The following PDE4B variants were observed in gnomAD, a reference collection of about 807,000 sequenced individuals.
PDE4B encodes phosphodiesterase 4B.
PDE4B carries 20 observed loss-of-function variants against 82.2 expected under a neutral mutation model. The ratio of observed to expected loss-of-function variants is 0.24; its 90% CI spans 0.17 to 0.35. PDE4B has a LOEUF of 0.35. PDE4B is among the 10% of genes least tolerant of loss of function. The pLI is 1.00. For synonymous variants in PDE4B, 320 were observed against 318.9 expected (o/e 1.00, Z -0.04); for missense variants, 655 against 907.2 (o/e 0.72, Z 3.57).
In PDE4B at chr1:66,185,738, C is replaced by G. The variant is rs149709270; in HGVS notation, c.282-61722C>G. On this transcript the variant is annotated intron_variant, in intron 3 of 16. Transcript: ENST00000341517. ...TCATTGTAGACTCTGGATATTAGCC[C>G]TTTGTCAGATGAGTAGATTGCAAAA... 8.3e-3 allele frequency among the ~76,000 whole-genome samples: 1,270 copies of G among 152,182 alleles called. 10 individuals carry two copies. The highest frequency in any genetic ancestry group is 0.029 in the African/African-American group (1,210 of 41,506).
chr1:66,369,745 C>T (rs1663535200), intron 16 of PDE4B, among the ~76,000 whole-genome samples: 1 of 152,168 alleles, frequency 6.6e-6, no homozygotes, highest in Non-Finnish European at 1.5e-5. Flanking sequence ...TCCTCTTTCC[C>T]TACTACCTGG....
intron 3 of PDE4B, among the ~76,000 whole-genome samples, chr1:66,063,733 G>C (rs1416821189): frequency 6.6e-6 from 1 of 151,608 alleles, no homozygotes; most frequent in African/African-American, 2.4e-5. Flanking sequence ...ATTAACATTG[G>C]GTAAAATAGT....
chr1:65,890,364 T>G (rs189857628), intron 1 of PDE4B, among the ~76,000 whole-genome samples: 17 of 152,172 alleles, frequency 1.1e-4, no homozygotes, highest in Admixed American at 1.1e-3. Flanking sequence ...TCTAAACTGT[T>G]CTTTCCCCTA....
At chr1:66,107,853 A>G (rs1393198169) in intron 3 of PDE4B, among the ~76,000 whole-genome samples, 1 of 152,020 alleles carries the variant, frequency 6.6e-6, no homozygotes, top group Non-Finnish European at 1.5e-5. Flanking sequence ...AGCCTTATTG[A>G]TGCCAAGTAT....
At chr1:66,218,538 T>A (rs1043963799) in intron 3 of PDE4B, among the ~76,000 whole-genome samples, 8 of 152,146 alleles carry the variant, frequency 5.3e-5, no homozygotes, top group African/African-American at 1.9e-4. Flanking sequence ...TGATCTCATT[T>A]CATTCTGTTT....
chr1:66,088,964 G>C (rs991816720), intron 3 of PDE4B, among the ~76,000 whole-genome samples: 7 of 152,076 alleles, frequency 4.6e-5, no homozygotes, highest in Non-Finnish European at 1.0e-4. Flanking sequence ...GTATTGAGCA[G>C]AGTTCTCCAT....
intron 15 of PDE4B, 60 bp from the exon 16 acceptor site, chr1:66,368,727 A>G: frequency 7.6e-7 from 1 of 1,317,014 alleles, no homozygotes; most frequent in Non-Finnish European, 1.0e-6. Flanking sequence ...GAGAGGCATG[A>G]GATGTTCCGG....
chr1:66,296,748 T>C (rs1360500928), intron 7 of PDE4B, among the ~76,000 whole-genome samples: 1 of 152,214 alleles, frequency 6.6e-6, no homozygotes, highest in Admixed American at 6.5e-5. Context: ...GAATATTTTG[T>C]ACATAATAGA....
chr1:66,048,362 T>A (rs912158888), intron 3 of PDE4B, among the ~76,000 whole-genome samples: 10 of 152,002 alleles, frequency 6.6e-5, no homozygotes, highest in African/African-American at 2.2e-4. Flanking sequence ...TAATCTTTTC[T>A]TGCAGTCAAT....
In PDE4B at chr1:65,817,329, G is replaced by A. The variant is rs78807048; in HGVS notation, c.-71+24081G>A. On this transcript the variant is annotated intron_variant, in intron 1 of 16. Transcript: ENST00000341517. ...AACCCAAGTGTAGCTTTCATTGGTG[G>A]CAGGGTAATGGAAGAGCTTTAAATT... Among the ~76,000 whole-genome samples, 497 of 152,264 alleles carry A rather than the reference G, an allele frequency of 3.3e-3. 4 individuals are homozygous for A. The highest frequency in any genetic ancestry group is 0.011 in the African/African-American group (462 of 41,534).
chr1:66,263,345 T>A (rs772017911), intron 6 of PDE4B, among the ~76,000 whole-genome samples: 10 of 152,170 alleles, frequency 6.6e-5, no homozygotes, highest in Non-Finnish European at 1.3e-4. Flanking sequence ...AGTATCCAAC[T>A]GAGCAAAATG....
intron 3 of PDE4B, among the ~76,000 whole-genome samples, chr1:65,926,509 G>T (rs1180104194): frequency 6.6e-6 from 1 of 152,076 alleles, no homozygotes; most frequent in South Asian, 2.1e-4. Flanking sequence ...TTTTTCTCCC[G>T]AAGACACTAT....
At chr1:66,218,508 G>C (rs1361134367) in intron 3 of PDE4B, among the ~76,000 whole-genome samples, 1 of 152,074 alleles carries the variant, frequency 6.6e-6, no homozygotes, top group South Asian at 2.1e-4. Context: ...GTCTCTCATG[G>C]AGATGAGCCA....
intron 3 of PDE4B, among the ~76,000 whole-genome samples, chr1:66,026,397 T>A (rs545855670): frequency 6.6e-6 from 1 of 152,276 alleles, no homozygotes; most frequent in South Asian, 2.1e-4. Flanking sequence ...TGGCCCTAAT[T>A]AGGTGAGGCT....
intron 1 of PDE4B, among the ~76,000 whole-genome samples, chr1:65,795,944 G>A (rs1050095932): frequency 2.0e-5 from 3 of 152,188 alleles, no homozygotes; most frequent in African/African-American, 7.2e-5. Flanking sequence ...TTGAAATGTG[G>A]TGTTTCAACC....
In PDE4B at chr1:66,363,586, C is replaced by G. The variant is rs774606942; in HGVS notation, c.1284+15C>G. ...CAGCATTAGACGTGAGTAATTATGACCTGTTTTGCATTCCTGCCCATCCTC... is the reference window on the plus strand; with the variant it reads ...CAGCATTAGACGTGAGTAATTATGAGCTGTTTTGCATTCCTGCCCATCCTC... On this transcript the variant is annotated intron_variant, in intron 12 of 16. Transcript: ENST00000341517. The G allele has an allele frequency of 1.2e-6, 2 of 1,600,624 alleles. No homozygotes were observed. The highest frequency in any genetic ancestry group is 2.7e-5 in the African/African-American group (2 of 74,348).
At chr1:65,908,233 A>G (rs1299762790) in intron 1 of PDE4B, among the ~76,000 whole-genome samples, 1 of 152,180 alleles carries the variant, frequency 6.6e-6, no homozygotes, top group Non-Finnish European at 1.5e-5. Flanking sequence ...TCCTCTCTCC[A>G]AGTCTCTTCT....
At chr1:66,236,550 C>T (rs1557652157) in intron 3 of PDE4B, among the ~76,000 whole-genome samples, 1 of 151,956 alleles carries the variant, frequency 6.6e-6, no homozygotes, top group Non-Finnish European at 1.5e-5. Context: ...TGATGAATTC[C>T]TTCAACTTTC....
chr1:66,015,322 A>G (rs1234041412), intron 3 of PDE4B, among the ~76,000 whole-genome samples: 3 of 152,312 alleles, frequency 2.0e-5, no homozygotes, highest in South Asian at 2.1e-4. Flanking sequence ...AGCTACTTAC[A>G]GGAGAAAGAT....
Sources: gnomAD v4.1 joint callset for allele counts (sites outside exome capture counted in the v4.1 genomes callset) on GRCh38, gnomAD v4.1.1 for gene constraint, MANE v1.5 for transcripts, NCBI Gene and HGNC (gene_info 2026-07-23, HGNC 2026-07-21) for gene names.